The following ANKRD35 variants were observed in gnomAD, a reference collection of about 807,000 sequenced individuals.
ANKRD35 encodes the protein ankyrin repeat domain-containing protein 35.
Under a neutral mutation model 109.9 loss-of-function variants are expected in ANKRD35, and 102 were observed. The observed-to-expected ratio is 0.93, with a 90% CI of 0.79 to 1.09. The LOEUF (loss-of-function observed/expected upper bound fraction) is 1.09. Among genes scored for constraint, ANKRD35 ranks in the 50% least tolerant of loss-of-function variants. ANKRD35 has a pLI of 0.00. For missense variants in ANKRD35, 1,240 were observed against 1,230.1 expected, an observed-to-expected ratio of 1.01 and a Z score of -0.12; for synonymous variants, 515 against 512.4, an observed-to-expected ratio of 1.01 and a Z score of -0.07.
chr1:145,883,076 ATTTTTT>A (rs34686883), intron 1 of ANKRD35, among the ~76,000 whole-genome samples: 3 of 83,426 alleles, frequency 3.6e-5, no homozygotes, highest in African/African-American at 4.2e-5. Context: ...GACAGTACCA[ATTTTTT>A]TTTTTTTTTT....
rs782081604 is a variant in ANKRD35, at chr1:145,873,365, G to C, written c.1404C>G (p.Ser468=). ...DQLPAGQKES[S]QVLGVEPGGT... is the part of the protein sequence containing the mutation. ...CTCCTGGTTCAACTCCTAGAACCTGGGAACTCTCCTTCTGACCAGCAGGCA... is the reference window on the plus strand; with the variant it reads ...CTCCTGGTTCAACTCCTAGAACCTGCGAACTCTCCTTCTGACCAGCAGGCA... Residue 468 remains serine, a synonymous_variant, in exon 10 of 14, where the codon TCC becomes TCG. Transcript: ENST00000355594. 3 of 1,614,178 alleles carry C rather than the reference G, an allele frequency of 1.9e-6. No homozygotes were observed. The East Asian group carries it at 6.7e-5, about 36-fold the overall frequency.
At chr1:145,876,433 G>A (rs1654077652) in intron 6 of ANKRD35, 136 bp downstream of exon 6, 1 of 1,176,320 alleles carries the variant, frequency 8.5e-7, no homozygotes, top group Non-Finnish European at 1.2e-6. Context: ...TGAGGAAGAA[G>A]AGGAGAAGCA....
intron 6 of ANKRD35, 89 bp downstream of exon 6, chr1:145,876,480 C>T (rs781909690): frequency 6.1e-6 from 9 of 1,484,336 alleles, no homozygotes; most frequent in Middle Eastern, 1.9e-4. Flanking sequence ...CTAACACAGC[C>T]CTAGGTCGTG....
chr1:145,867,900 A>C, intron 12 of ANKRD35, 91 bp downstream of exon 12: 2 of 1,271,958 alleles, frequency 1.6e-6, no homozygotes, highest in East Asian at 2.3e-5. Flanking sequence ...AAGTGTGTAC[A>C]GGGACCCTGG....
In ANKRD35 at chr1:145,873,443, C is replaced by T; in HGVS notation, c.1326G>A (p.Gln442=). The change falls in exon 10 of 14, where the codon CAG becomes CAA. Residue 442 remains glutamine (Q), a synonymous_variant. Coordinates refer to ENST00000355594, the MANE Select transcript of ANKRD35 (RefSeq NM_144698.5). ...TCTGTGCCCCATTGGTAGTCAGTTGCTGTCCTGTGGCTTTCCTGATGGTCT... is the reference window on the plus strand; with the variant it reads ...TCTGTGCCCCATTGGTAGTCAGTTGTTGTCCTGTGGCTTTCCTGATGGTCT... ...ASETIRKATG[Q]QLTTNGAQTF... The T allele has an allele frequency of 1.9e-6, 3 of 1,614,094 alleles. No individual in the cohort carries two copies. Among genetic ancestry groups the T allele is most frequent in the Non-Finnish European group, 2.5e-6 (3 of 1,179,978 alleles).
intron 1 of ANKRD35, among the ~76,000 whole-genome samples, chr1:145,879,708 C>G (rs1654218800): frequency 6.6e-6 from 1 of 152,278 alleles, no homozygotes; most frequent in African/African-American, 2.4e-5. Context: ...AGTTGTTGTT[C>G]AGTGCCCAAC....
intron 1 of ANKRD35, among the ~76,000 whole-genome samples, chr1:145,880,863 A>G (rs35429672): frequency 0.14 from 21,577 of 152,266 alleles, 1,597 homozygotes; most frequent in Middle Eastern, 0.19. Context: ...TGCTATTTCA[A>G]TTAGTCTCTC....
rs781974125 is a variant in ANKRD35, at chr1:145,874,833, C to T, written c.734G>A (p.Arg245Gln). The change falls in exon 8 of 14, where the codon CGG (arginine) becomes CAG (glutamine). Residue 245 changes from arginine to glutamine, a missense_variant. By Grantham distance (43) the Arg-to-Gln change is conservative (BLOSUM62 1). Transcript: ENST00000355594. ...WRHLQQALSR[R>Q]RRGGQRLVQH... ...ACAAGGGCCTTTACCGCCCCGCCGCCGCCGGCTCAGGGCCTGCTGTAGGTG... is the reference window on the plus strand; with the variant it reads ...ACAAGGGCCTTTACCGCCCCGCCGCTGCCGGCTCAGGGCCTGCTGTAGGTG... The T allele has an allele frequency of 1.3e-5, 20 of 1,589,810 alleles. No individual in the cohort carries two copies. The highest frequency in any genetic ancestry group is 4.6e-5 in the South Asian group (4 of 87,060).
At chr1:145,867,424 T>C (rs375964073) in intron 12 of ANKRD35, 32 bp from the exon 13 acceptor site, 28 of 1,596,770 alleles carry the variant, frequency 1.8e-5, no homozygotes, top group Middle Eastern at 1.7e-4. Context: ...GAAAAGGAGA[T>C]GAAGAACAGA....
chr1:145,868,319 G>T lies in ANKRD35; in HGVS notation c.2869C>A (p.Gln957Lys). ...TGACAGCCAAAACATACCTGCAGCT[G>T]CAGGGCAAGGCGAGCATTTTCTCCC... ...IRGENARLALQLQDSQKNHEE... is the reference protein window; with the variant it reads ...IRGENARLALKLQDSQKNHEE... Residue 957 changes from glutamine to lysine, a missense_variant, in exon 11 of 14, where the codon CAG becomes AAG. Gln to Lys is a moderately conservative substitution (Grantham distance 53). Coordinates refer to ENST00000355594, the MANE Select transcript of ANKRD35 (RefSeq NM_144698.5). The T allele has an allele frequency of 6.2e-7, 1 of 1,614,122 alleles. No homozygotes were observed. The highest frequency in any genetic ancestry group is 1.1e-5 in the South Asian group (1 of 91,084).
At position 145,873,357 on chromosome 1, in the gene ANKRD35, A is replaced by G. The variant is rs143042062; in HGVS notation, c.1412T>C (p.Leu471Pro). Reference sequence around the variant, plus strand: ...CACTGTGCCTCCTGGTTCAACTCCTAGAACCTGGGAACTCTCCTTCTGACC... The same window carrying G: ...CACTGTGCCTCCTGGTTCAACTCCTGGAACCTGGGAACTCTCCTTCTGACC... ...PAGQKESSQV[L>P]GVEPGGTVAE... The change falls in exon 10 of 14, where the codon CTA (leucine) becomes CCA (proline). Residue 471 changes from leucine (L) to proline (P), a missense_variant. Physicochemically the swap from Leu to Pro is moderately conservative, Grantham distance 98. Transcript: ENST00000355594. 135 of 1,614,184 alleles carry G rather than the reference A, an allele frequency of 8.4e-5. No homozygotes were observed. In the Middle Eastern group the frequency reaches 3.1e-3, roughly 37 times the overall value.
At chr1:145,871,153 C>CTTTTTTTTTTTTTTTTTTTTTTTTTTTT (rs59433424) in intron 10 of ANKRD35, among the ~76,000 whole-genome samples, 45 of 78,100 alleles carry the variant, frequency 5.8e-4, no homozygotes, top group Non-Finnish European at 8.0e-4. Context: ...TTTCTTTTTT[C>CTTTTTTTTTTTTTTTTTTTTTTTTTTTT]TTTTTTTTTT....
chr1:145,873,910 C>T lies in ANKRD35; in HGVS notation c.859G>A (p.Glu287Lys), dbSNP rs1553739550. Residue 287 changes from glutamate (E) to lysine (K), a missense_variant, in exon 10 of 14, where the codon GAG becomes AAG. Glu to Lys is a moderately conservative substitution (Grantham distance 56). Coordinates refer to ENST00000355594, the MANE Select transcript of ANKRD35 (RefSeq NM_144698.5). ...GAGCACGGGTCTTCATCCTCCTTCT[C>T]CTCTTGCTCCTCTTCAGGCTCTGCT... is the stretch of plus-strand genomic sequence containing the variant. Reference protein sequence around the residue: ...WRAEPEEEQEEKEDEDPCSEE... With the variant: ...WRAEPEEEQEKKEDEDPCSEE... 6.2e-7 allele frequency: 1 copy of T among 1,614,242 alleles called. No individual in the cohort carries two copies. The highest frequency in any genetic ancestry group is 8.5e-7 in the Non-Finnish European group (1 of 1,180,052).
rs781982510 is a variant in ANKRD35 at position 145,876,192 on chromosome 1, A to AGCAGATAGCTGCGT, written c.494_507dup (p.Ser170ThrfsTer26). ...CGGGCGCCTCGCTGCAGCAGCTGTGAGCAGATAGCTGCGTGCCCACCCAGC... is the reference window on the plus strand; with the variant it reads ...CGGGCGCCTCGCTGCAGCAGCTGTGAGCAGATAGCTGCGTGCAGATAGCTGCGTGCCCACCCAGC... On this transcript the variant is annotated frameshift_variant, in exon 7 of 14. Transcript: ENST00000355594. LOFTEE classifies it high-confidence loss of function. 1.2e-6 allele frequency: 2 copies of AGCAGATAGCTGCGT among 1,614,048 alleles called. No individual in the cohort carries two copies. The highest frequency in any genetic ancestry group is 1.7e-6 in the Non-Finnish European group (2 of 1,179,998).
chr1:145,877,326 G>A (rs1016610610), intron 4 of ANKRD35, among the ~76,000 whole-genome samples: 1 of 150,930 alleles, frequency 6.6e-6, no homozygotes, highest in Non-Finnish European at 1.5e-5. Context: ...TCCGCCTCCT[G>A]GGTTGAAGCG....
intron 11 of ANKRD35, 114 bp downstream of exon 11, chr1:145,868,197 C>A: frequency 2.7e-6 from 4 of 1,473,218 alleles, no homozygotes; most frequent in Non-Finnish European, 3.8e-6. Flanking sequence ...CCTAGCCAGG[C>A]CTCTGTAATT....
chr1:145,872,205 G>A lies in ANKRD35; in HGVS notation c.2564C>T (p.Ala855Val). Reference protein sequence around the residue: ...QAQAWGQELKALLEKYNTACR... With the variant: ...QAQAWGQELKVLLEKYNTACR... ...GGCCGTATTATACTTTTCCAACAGA[G>A]CCTTTAGCTCCTGGCCCCAAGCCTG... Residue 855 changes from alanine (A) to valine (V), a missense_variant, in exon 10 of 14, where the codon GCT (alanine) becomes GTT (valine). Ala to Val is a moderately conservative substitution (Grantham distance 64). Coordinates refer to ENST00000355594, the MANE Select transcript of ANKRD35 (RefSeq NM_144698.5). 7 of 1,609,464 alleles carry A rather than the reference G, an allele frequency of 4.3e-6. No individual in the cohort carries two copies. Among genetic ancestry groups the A allele is most frequent in the Non-Finnish European group, 5.9e-6 (7 of 1,178,246 alleles).
intron 6 of ANKRD35, 57 bp from the exon 7 acceptor site, chr1:145,876,303 A>ATCC: frequency 6.6e-7 from 1 of 1,522,400 alleles, no homozygotes; most frequent in East Asian, 2.3e-5. Context: ...AGGCTTGACA[A>ATCC]TCCTACCGGC....
intron 7 of ANKRD35, 56 bp from the exon 8 acceptor site, chr1:145,875,062 G>C: frequency 2.0e-6 from 3 of 1,508,194 alleles, no homozygotes; most frequent in South Asian, 1.3e-5. Flanking sequence ...CAGAAGTCCT[G>C]GTTCCAGACA....
Sources: gnomAD v4.1 joint callset for allele counts (sites outside exome capture counted in the v4.1 genomes callset) on GRCh38, gnomAD v4.1.1 for gene constraint, MANE v1.5 for transcripts, NCBI Gene and HGNC (gene_info 2026-07-23, HGNC 2026-07-21) for gene names.